The following SOAT1 variants were observed in gnomAD, a reference collection of about 807,000 sequenced individuals.
SOAT1 encodes sterol O-acyltransferase 1.
Under a neutral mutation model 69.5 loss-of-function variants are expected in SOAT1, and 55 were observed. The observed-to-expected ratio is 0.79, with a 90% CI of 0.64 to 0.99. The LOEUF (loss-of-function observed/expected upper bound fraction) is 0.99, where lower values mean the gene tolerates loss of function less well. Among genes scored for constraint, SOAT1 ranks in the 50% least tolerant of loss-of-function variants. The pLI is 0.00. For synonymous variants in SOAT1, 231 were observed against 224.7 expected (o/e 1.03, Z -0.25); for missense variants, 580 against 669.3 (o/e 0.87, Z 1.47).
At chr1:179,329,786 G>A (rs1665913710) in intron 3 of SOAT1, among the ~76,000 whole-genome samples, 1 of 152,082 alleles carries the variant, frequency 6.6e-6, no homozygotes, top group Non-Finnish European at 1.5e-5. Context: ...GGAGAGACAA[G>A]TCTTAAGTAT....
intron 1 of SOAT1, among the ~76,000 whole-genome samples, chr1:179,297,360 G>A (rs1664684282): frequency 6.6e-6 from 1 of 151,810 alleles, no homozygotes; most frequent in South Asian, 2.1e-4. Flanking sequence ...TTTTTGAGAC[G>A]GAGTCCAGCT....
rs1255089986 is a variant in SOAT1 at position 179,358,394 on chromosome 1, TC to T, written c.*4754del. 6.6e-6 allele frequency: 1 copy of T among 152,232 alleles called. No homozygotes were observed. Among genetic ancestry groups the T allele is most frequent in the East Asian group, 1.9e-4 (1 of 5,200 alleles). The allele number at this position is 152,232 out of a possible 1,614,324, so 9.4% of individuals were successfully genotyped here. A position where few individuals can be genotyped will look rare whatever the true frequency, so the allele number is the denominator to read the frequency against. The stretch of plus-strand genomic sequence containing the variant: ...TGCACCATGTCTTGTGGTGGTGTTT[TC>T]TTAATGAAATGGAAGCTGTACTTCC... On this transcript the variant is annotated 3_prime_UTR_variant, in exon 16 of 16. Transcript: ENST00000367619.
At chr1:179,306,804 C>T (rs1482852648) in intron 2 of SOAT1, among the ~76,000 whole-genome samples, 1 of 123,294 alleles carries the variant, frequency 8.1e-6, no homozygotes, top group East Asian at 2.6e-4. Context: ...GCACTCCAGC[C>T]TGGGCAACAG....
intron 13 of SOAT1, among the ~76,000 whole-genome samples, 180 bp downstream of exon 13, chr1:179,349,122 T>C (rs1666635113): frequency 6.6e-6 from 1 of 152,146 alleles, no homozygotes; most frequent in African/African-American, 2.4e-5. Context: ...TGGTACTGCT[T>C]AGAAACCACT....
At chr1:179,329,983 A>G (rs1196250073) in intron 3 of SOAT1, among the ~76,000 whole-genome samples, 1 of 152,178 alleles carries the variant, frequency 6.6e-6, no homozygotes, top group African/African-American at 2.4e-5. Flanking sequence ...GGTTCCTTCC[A>G]GTTCCCTGCC....
chr1:179,351,721 A>ATTTTTTTTTTTTTTTTTTTTTTT lies in SOAT1; in HGVS notation c.1596+275_1596+276insTTTTTTTTTTTTTTTTTTTTTTT, dbSNP rs71901753. Among the ~76,000 whole-genome samples, 894 of 106,378 alleles carry ATTTTTTTTTTTTTTTTTTTTTTT rather than the reference A, an allele frequency of 8.4e-3. 80 individuals carry two copies. The highest frequency in any genetic ancestry group is 9.8e-3 in the Non-Finnish European group (550 of 56,040). 69.8% of individuals were successfully genotyped at this position (106,378 alleles called of 152,430 possible). On this transcript the variant is annotated intron_variant, in intron 15 of 15. Coordinates refer to ENST00000367619, the MANE Select transcript of SOAT1 (RefSeq NM_003101.6). ...ACTGCCTTTTCTTCAGCCCCTTCTA[A>ATTTTTTTTTTTTTTTTTTTTTTT]TTTTTTTTTTTTTTTTGAGACAGAG...
intron 4 of SOAT1, among the ~76,000 whole-genome samples, chr1:179,336,919 C>G (rs1336742962): frequency 6.6e-6 from 1 of 151,286 alleles, no homozygotes; most frequent in South Asian, 2.1e-4. Context: ...CACTCAAACC[C>G]GGGGGAAGGA....
rs1006805734 is a variant in SOAT1, at chr1:179,353,857, C to T, written c.*216C>T. The T allele has an allele frequency of 1.5e-5, 8 of 524,824 alleles. No homozygotes were observed. Among genetic ancestry groups the T allele is most frequent in the Non-Finnish European group, 2.7e-5 (8 of 300,352 alleles). 32.5% of individuals were successfully genotyped at this position (524,824 alleles called of 1,614,324 possible). ...GCAGAGCAGAACTTTTTTTGTGGGGCTGGGTGGGGGGAGAAGACCGACTAA... is the reference window on the plus strand; with the variant it reads ...GCAGAGCAGAACTTTTTTTGTGGGGTTGGGTGGGGGGAGAAGACCGACTAA... On this transcript the variant is annotated 3_prime_UTR_variant, in exon 16 of 16. Transcript: ENST00000367619.
At position 179,337,887 on chromosome 1, in the gene SOAT1, C is replaced by G; in HGVS notation, c.380C>G (p.Ser127Cys). 3 of 1,607,936 alleles carry G rather than the reference C, an allele frequency of 1.9e-6. No homozygotes were observed. The highest frequency in any genetic ancestry group is 2.5e-6 in the Non-Finnish European group (3 of 1,176,570). ...GGAAAGATTTTTATTGCAAGGCGCT[C>G]TCTCTTAGAGTGAGTATTTTTAGTT... ...EQGKIFIARR[S>C]LLDELLEVDH... Residue 127 changes from serine to cysteine, a missense_variant, in exon 5 of 16, where the codon TCT (serine) becomes TGT (cysteine). Ser to Cys is a moderately radical substitution (Grantham distance 112, BLOSUM62 -1). Transcript: ENST00000367619.
At chr1:179,297,820 T>C (rs72715509) in intron 1 of SOAT1, among the ~76,000 whole-genome samples, 40,777 of 148,676 alleles carry the variant, frequency 0.27, 5,789 homozygotes, top group East Asian at 0.46. Flanking sequence ...TCACCTGAGG[T>C]TGGGAGTTCG....
At chr1:179,339,038 T>G (rs1666247522) in intron 5 of SOAT1, among the ~76,000 whole-genome samples, 1 of 152,188 alleles carries the variant, frequency 6.6e-6, no homozygotes, top group Non-Finnish European at 1.5e-5. Flanking sequence ...AGGTAAAATC[T>G]TTGTAAATGG....
intron 3 of SOAT1, among the ~76,000 whole-genome samples, chr1:179,324,764 G>C (rs1665720203): frequency 7.1e-6 from 1 of 141,838 alleles, no homozygotes; most frequent in Non-Finnish European, 1.6e-5. Context: ...TTTTGGCTAA[G>C]AAAATAACAA....
chr1:179,313,296 T>C (rs1665279517), intron 2 of SOAT1, among the ~76,000 whole-genome samples: 1 of 152,168 alleles, frequency 6.6e-6, no homozygotes, highest in Non-Finnish European at 1.5e-5. Context: ...TGATCTAGAA[T>C]TACGTTGTTC....
chr1:179,315,896 A>G (rs1665375356), intron 2 of SOAT1, among the ~76,000 whole-genome samples: 1 of 152,240 alleles, frequency 6.6e-6, no homozygotes, highest in Non-Finnish European at 1.5e-5. Context: ...TTTTTTATGA[A>G]ATAGTTCATT....
chr1:179,345,860 A>G (rs1666516630), intron 11 of SOAT1, among the ~76,000 whole-genome samples: 1 of 151,834 alleles, frequency 6.6e-6, no homozygotes, highest in Non-Finnish European at 1.5e-5. Context: ...TTTTGCCACT[A>G]TTTCTTATTT....
chr1:179,310,765 A>G (rs552562777), intron 2 of SOAT1, among the ~76,000 whole-genome samples: 3 of 152,342 alleles, frequency 2.0e-5, no homozygotes, highest in African/African-American at 7.2e-5. Flanking sequence ...TTTAAAAATG[A>G]GTTTGAATTT....
rs1050306188 is a variant in SOAT1 at position 179,354,258 on chromosome 1, A to G, written c.*617A>G. ...TTTTACCTTGTTTTCTCTATAGGTC[A>G]TGATTTCTGTGAAGCAAAAAGATGC... On this transcript the variant is annotated 3_prime_UTR_variant, in exon 16 of 16. Coordinates refer to ENST00000367619, the MANE Select transcript of SOAT1 (RefSeq NM_003101.6). 2.6e-5 allele frequency: 4 copies of G among 152,638 alleles called. No homozygotes were observed. The highest frequency in any genetic ancestry group is 4.8e-5 in the African/African-American group (2 of 41,452). 9.5% of individuals were successfully genotyped at this position (152,638 alleles called of 1,614,324 possible).
chr1:179,327,007 TAGG>T (rs1665818719), intron 3 of SOAT1, among the ~76,000 whole-genome samples: 1 of 152,222 alleles, frequency 6.6e-6, no homozygotes. Flanking sequence ...GATGAGCCAG[TAGG>T]AGAAGGGAAC....
intron 3 of SOAT1, 96 bp downstream of exon 3, chr1:179,323,591 T>A: frequency 1.0e-6 from 1 of 994,408 alleles, no homozygotes; most frequent in Non-Finnish European, 1.5e-6. Context: ...GATAATTATT[T>A]AAGCCATTCA....
Sources: gnomAD v4.1 joint callset for allele counts (sites outside exome capture counted in the v4.1 genomes callset) on GRCh38, gnomAD v4.1.1 for gene constraint, MANE v1.5 for transcripts, NCBI Gene and HGNC (gene_info 2026-07-23, HGNC 2026-07-21) for gene names.